Variants in PXDNL observed in about 807,000 individuals in gnomAD.
PXDNL encodes the protein peroxidasin like.
A neutral mutation model predicts 150.8 loss-of-function variants in PXDNL; 145 were observed. That is an observed-to-expected ratio of 0.96 (90% CI 0.84 to 1.10). The LOEUF (loss-of-function observed/expected upper bound fraction) is 1.10, where lower values mean the gene tolerates loss of function less well. Among genes scored for constraint, PXDNL ranks in the 50% least tolerant of loss-of-function variants. PXDNL has a pLI of 0.00. For missense variants in PXDNL, 2,087 were observed against 1,873.9 expected, an observed-to-expected ratio of 1.11 and a Z score of -2.10; for synonymous variants, 757 against 725.7, an observed-to-expected ratio of 1.04 and a Z score of -0.69.
chr8:51,749,530 A>T (rs1253270713), intron 1 of PXDNL, among the ~76,000 whole-genome samples: 2 of 152,182 alleles, frequency 1.3e-5, no homozygotes, highest in African/African-American at 4.8e-5. Flanking sequence ...ATAAAAGATT[A>T]AAAACGGTCC....
chr8:51,353,380 T>C (rs56241587), intron 19 of PXDNL, among the ~76,000 whole-genome samples: 1 of 151,900 alleles, frequency 6.6e-6, no homozygotes, highest in Non-Finnish European at 1.5e-5. Flanking sequence ...TTTATTTTTA[T>C]TATTTCATTT....
At chr8:51,603,021 C>A (rs1363517157) in intron 2 of PXDNL, among the ~76,000 whole-genome samples, 1 of 151,004 alleles carries the variant, frequency 6.6e-6, no homozygotes, top group Non-Finnish European at 1.5e-5. Flanking sequence ...ATATTTTTTC[C>A]AAATTATTTA....
chr8:51,502,669 T>C (rs1035859280), intron 4 of PXDNL, among the ~76,000 whole-genome samples: 2 of 151,836 alleles, frequency 1.3e-5, no homozygotes, highest in Non-Finnish European at 2.9e-5. Context: ...TAGAAGTGTT[T>C]TTTTTTTTCC....
intron 17 of PXDNL, among the ~76,000 whole-genome samples, chr8:51,395,341 T>C (rs1808048649): frequency 6.6e-6 from 1 of 152,134 alleles, no homozygotes; most frequent in African/African-American, 2.4e-5. Flanking sequence ...CCTCCAGAAA[T>C]CATCGATGCA....
At chr8:51,376,755 G>T (rs1375306085) in intron 17 of PXDNL, among the ~76,000 whole-genome samples, 5 of 148,478 alleles carry the variant, frequency 3.4e-5, no homozygotes, top group Non-Finnish European at 7.4e-5. Context: ...GTCTTACTCT[G>T]TCCCCCAGGC....
intron 1 of PXDNL, among the ~76,000 whole-genome samples, chr8:51,656,749 C>T (rs964142891): frequency 2.6e-5 from 4 of 152,112 alleles, no homozygotes; most frequent in Non-Finnish European, 4.4e-5. Flanking sequence ...AATATTTATA[C>T]CTTGATATAG....
intron 1 of PXDNL, among the ~76,000 whole-genome samples, chr8:51,768,408 A>G (rs1484674348): frequency 2.0e-5 from 3 of 152,284 alleles, no homozygotes; most frequent in Non-Finnish European, 1.5e-5. Flanking sequence ...TTATATGAAC[A>G]GAGTTTTATG....
Position 51,339,607 on chromosome 8 carries a change from T to C in PXDNL, c.4146+17A>G. The C allele has an allele frequency of 5.0e-6, 8 of 1,610,162 alleles. No homozygotes were observed. Among genetic ancestry groups the C allele is most frequent in the Non-Finnish European group, 5.9e-6 (7 of 1,178,440 alleles). On this transcript the variant is annotated intron_variant, in intron 21 of 22. Coordinates refer to ENST00000356297, the MANE Select transcript of PXDNL (RefSeq NM_144651.5). ...AACGCATACAATAAGGACATGTTAT[T>C]TGAAGAGAAAACAAACCTGCTCTCT...
chr8:51,698,483 C>T (rs998402691), intron 1 of PXDNL, among the ~76,000 whole-genome samples: 1 of 152,216 alleles, frequency 6.6e-6, no homozygotes, highest in Non-Finnish European at 1.5e-5. Context: ...GTCACATCCT[C>T]AGGCTCCACT....
At chr8:51,340,464 A>G (rs1258318955) in intron 20 of PXDNL, among the ~76,000 whole-genome samples, 1 of 152,228 alleles carries the variant, frequency 6.6e-6, no homozygotes, top group African/African-American at 2.4e-5. Flanking sequence ...CTGCATTTCA[A>G]GTGCTCTTAC....
In PXDNL at chr8:51,472,311, CA is replaced by C; in HGVS notation, c.695-8del. On this transcript the variant is annotated splice_polypyrimidine_tract_variant and splice_region_variant and intron_variant, in intron 7 of 22. Coordinates refer to ENST00000356297, the MANE Select transcript of PXDNL (RefSeq NM_144651.5). ...AAAGTAATTCGGGGGCTCTCTGCAA[CA>C]AAAGAATTATTGATGTATTTTTCAG... is the stretch of plus-strand genomic sequence containing the variant. 6.2e-7 allele frequency: 1 copy of C among 1,601,548 alleles called. No homozygotes were observed. The highest frequency in any genetic ancestry group is 8.5e-7 in the Non-Finnish European group (1 of 1,169,764).
intron 21 of PXDNL, among the ~76,000 whole-genome samples, chr8:51,325,017 C>G (rs1166123505): frequency 6.6e-6 from 1 of 152,152 alleles, no homozygotes. Flanking sequence ...AGGCATGCAC[C>G]ACCACACCCG....
At chr8:51,532,589 G>C (rs1396555340) in intron 4 of PXDNL, among the ~76,000 whole-genome samples, 1 of 152,092 alleles carries the variant, frequency 6.6e-6, no homozygotes, top group Non-Finnish European at 1.5e-5. Flanking sequence ...TTGCTTTTTG[G>C]TTTTTAACTT....
intron 2 of PXDNL, among the ~76,000 whole-genome samples, chr8:51,615,612 A>T (rs1055281237): frequency 6.6e-6 from 1 of 152,152 alleles, no homozygotes; most frequent in Non-Finnish European, 1.5e-5. Flanking sequence ...TAGAAACAAG[A>T]ATTTAGTTTG....
At chr8:51,376,572 C>G (rs1175964514) in intron 17 of PXDNL, among the ~76,000 whole-genome samples, 1 of 152,120 alleles carries the variant, frequency 6.6e-6, no homozygotes, top group Non-Finnish European at 1.5e-5. Flanking sequence ...CTCTCTCTCT[C>G]TCTTAATTCC....
At chr8:51,488,202 T>C (rs67741283) in intron 5 of PXDNL, among the ~76,000 whole-genome samples, 7 of 151,968 alleles carry the variant, frequency 4.6e-5, no homozygotes, top group Admixed American at 4.6e-4. Context: ...AATGTGGAAG[T>C]TCACCAACAG....
At chr8:51,479,168 T>G (rs1810547730) in intron 6 of PXDNL, among the ~76,000 whole-genome samples, 1 of 152,130 alleles carries the variant, frequency 6.6e-6, no homozygotes, top group East Asian at 1.9e-4. Flanking sequence ...TACTAAGATT[T>G]AACATGAAAG....
rs113134839 is a variant in PXDNL, at chr8:51,383,878, A to T, written c.3558-9147T>A. ...AGAAGGAAGGATAATAATAATAACA[A>T]CTTTCATTCAGCTGGATCATTCACA... On this transcript the variant is annotated intron_variant, in intron 17 of 22. Coordinates refer to ENST00000356297, the MANE Select transcript of PXDNL (RefSeq NM_144651.5). Among the ~76,000 whole-genome samples, 1,044 of 152,248 alleles carry T rather than the reference A, an allele frequency of 6.9e-3. 8 individuals carry two copies. Among genetic ancestry groups the T allele is most frequent in the African/African-American group, 0.024 (987 of 41,556 alleles).
At chr8:51,771,758 G>A (rs925984251) in intron 1 of PXDNL, among the ~76,000 whole-genome samples, 14 of 152,176 alleles carry the variant, frequency 9.2e-5, no homozygotes, top group African/African-American at 3.4e-4. Flanking sequence ...GAGAGAAAGA[G>A]ACAGGGCTCT....
Sources: gnomAD v4.1 joint callset for allele counts (sites outside exome capture counted in the v4.1 genomes callset) on GRCh38, gnomAD v4.1.1 for gene constraint, MANE v1.5 for transcripts, NCBI Gene and HGNC (gene_info 2026-07-23, HGNC 2026-07-21) for gene names.